The following DDX54 variants were observed in gnomAD, a reference collection of about 807,000 sequenced individuals.
DDX54 encodes ATP-dependent RNA helicase DDX54.
In DDX54, 67 loss-of-function variants were observed where a neutral mutation model predicts 105.5. The observed-to-expected ratio is 0.64, with a 90% confidence interval of 0.52 to 0.78. The LOEUF (loss-of-function observed/expected upper bound fraction) is 0.78. DDX54 is among the 30% of genes least tolerant of loss of function. The pLI is 0.00. For synonymous variants in DDX54, 514 were observed against 509.9 expected, an observed-to-expected ratio of 1.01 and a Z score of -0.11; for missense variants, 1,206 against 1,230.5, an observed-to-expected ratio of 0.98 and a Z score of 0.30.
rs901294380 is a variant in DDX54 at position 113,157,990 on chromosome 12, C to CT, written c.*886dup. ...GGTGGTTGGGGCATGAAAAAAAACT[C>CT]TTTGTCAGGTCTCAGAACAGGGTCC... On this transcript the variant is annotated 3_prime_UTR_variant, in exon 20 of 20. Transcript: ENST00000306014. 3 of 416,860 alleles carry CT rather than the reference C, an allele frequency of 7.2e-6. No individual in the cohort carries two copies. The highest frequency in any genetic ancestry group is 5.9e-5 in the African/African-American group (3 of 50,554). The allele number at this position is 416,860 out of a possible 1,614,324, so 25.8% of individuals were successfully genotyped here.
intron 19 of DDX54, 70 bp downstream of exon 19, chr12:113,161,200 A>T: frequency 2.3e-6 from 3 of 1,280,740 alleles, no homozygotes; most frequent in South Asian, 2.9e-5. Flanking sequence ...CCTGTGCCTC[A>T]GCGTTACCCT....
intron 17 of DDX54, among the ~76,000 whole-genome samples, chr12:113,162,368 G>A (rs1952218305): frequency 6.6e-6 from 1 of 152,182 alleles, no homozygotes; most frequent in Admixed American, 6.5e-5. Flanking sequence ...TGGGTCCTGA[G>A]CCCTGTCTAG....
Position 113,163,054 on chromosome 12 carries a change from G to T in DDX54, c.2082-9C>A. The T allele has an allele frequency of 6.2e-7, 1 of 1,608,646 alleles. No individual in the cohort carries two copies. On this transcript the variant is annotated splice_polypyrimidine_tract_variant and intron_variant, in intron 16 of 19. Coordinates refer to ENST00000306014, the MANE Select transcript of DDX54 (RefSeq NM_024072.4). This position sits in a 1 kb window ranked among gnomAD's most constrained non-coding sequence, Gnocchi z 5.9. ...CCCCGCTGATGCTCAGGCTGCAGAG[G>T]GAGAGTGGGAGACATAATTGGATTG...
In DDX54 at chr12:113,159,022, C is replaced by T. The variant is rs370060266; in HGVS notation, c.2501G>A (p.Arg834His). ...KTKQQILKQR[R>H]RAQKLHFLQR... is the part of the protein sequence containing the mutation. Reference sequence around the variant, plus strand: ...CAGGAAGTGCAGCTTCTGGGCCCGGCGCCGCTGCTTCAGGATCTGCTGCTT... The same window carrying T: ...CAGGAAGTGCAGCTTCTGGGCCCGGTGCCGCTGCTTCAGGATCTGCTGCTT... Residue 834 changes from arginine (R) to histidine (H), a missense_variant, in exon 20 of 20, where the codon CGC becomes CAC. Physicochemically the swap from Arg to His is conservative, Grantham distance 29 (BLOSUM62 0). Transcript: ENST00000306014. 5.2e-5 allele frequency: 84 copies of T among 1,611,482 alleles called. No homozygotes were observed. Among genetic ancestry groups the T allele is most frequent in the Middle Eastern group, 1.7e-4 (1 of 6,040 alleles).
chr12:113,166,352 C>T (rs1179984581), intron 12 of DDX54, among the ~76,000 whole-genome samples: 1 of 152,096 alleles, frequency 6.6e-6, no homozygotes, highest in Non-Finnish European at 1.5e-5. Context: ...GAAGAGCCAC[C>T]CTGGATCACA....
chr12:113,165,591 T>G, intron 14 of DDX54, 53 bp downstream of exon 14: 1 of 1,525,416 alleles, frequency 6.6e-7, no homozygotes, highest in Non-Finnish European at 8.8e-7. Flanking sequence ...CATCTGTCTC[T>G]GGGCTCCACA....
rs189846363 is a variant in DDX54, at chr12:113,169,618, C to T, written c.1414+152G>A. ...CCTGGGCAACAGAGCGAGGCTCTGT[C>T]TCAAAAAATAAACAAAACAAATAAA... On this transcript the variant is annotated intron_variant, in intron 12 of 19. Transcript: ENST00000306014. 2.7e-6 allele frequency: 3 copies of T among 1,097,916 alleles called. No homozygotes were observed. In the South Asian group the frequency reaches 5.7e-5, roughly 21 times the overall value. The allele number at this position is 1,097,916 out of a possible 1,614,324, so 68.0% of individuals were successfully genotyped here.
intron 10 of DDX54, among the ~76,000 whole-genome samples, chr12:113,174,179 CA>C (rs745618043): frequency 0.017 from 1,839 of 109,384 alleles, 11 homozygotes; most frequent in Middle Eastern, 0.034. Flanking sequence ...ATACCATTTC[CA>C]AAAAAAAAAA....
chr12:113,175,995 C>T (rs1455674439), intron 7 of DDX54, among the ~76,000 whole-genome samples: 1 of 150,926 alleles, frequency 6.6e-6, no homozygotes, highest in Non-Finnish European at 1.5e-5. Context: ...ACTTCCCCCA[C>T]ATCCCCCTCC....
intron 11 of DDX54, 130 bp downstream of exon 11, chr12:113,172,223 C>A: frequency 9.7e-7 from 1 of 1,028,864 alleles, no homozygotes; most frequent in South Asian, 1.6e-5. Flanking sequence ...AGCAATATAG[C>A]GAGGCTCTGT....
chr12:113,157,593 C>G lies in DDX54; in HGVS notation c.*1284G>C, dbSNP rs748939865. 1 of 1,547,058 alleles carries G rather than the reference C, an allele frequency of 6.5e-7. No homozygotes were observed. Among genetic ancestry groups the G allele is most frequent in the South Asian group, 1.2e-5 (1 of 83,974 alleles). The stretch of plus-strand genomic sequence containing the variant: ...GGCTGGGATGTGACTTCGTGCTGGG[C>G]CCCCCCAGGTGAAGCTGTTCATGCA... On this transcript the variant is annotated 3_prime_UTR_variant, in exon 20 of 20. Transcript: ENST00000306014.
At chr12:113,174,379 C>T (rs543285030) in intron 10 of DDX54, among the ~76,000 whole-genome samples, 4 of 152,006 alleles carry the variant, frequency 2.6e-5, no homozygotes, top group Non-Finnish European at 5.9e-5. Flanking sequence ...CCCAAGTACT[C>T]GGGAGGCTGA....
intron 2 of DDX54, among the ~76,000 whole-genome samples, chr12:113,180,445 C>A (rs1050390596): frequency 1.3e-5 from 2 of 152,180 alleles, no homozygotes; most frequent in African/African-American, 4.8e-5. Flanking sequence ...GTTGCCCAAG[C>A]TGGACTTGAA....
At chr12:113,179,829 G>GA in intron 3 of DDX54, 106 bp downstream of exon 3, 1 of 1,318,478 alleles carries the variant, frequency 7.6e-7, no homozygotes, top group Non-Finnish European at 1.1e-6. Flanking sequence ...GAGTAAAGGG[G>GA]GCAGGAGATG....
intron 1 of DDX54, 101 bp downstream of exon 1, chr12:113,185,177 C>G (rs1250722482): frequency 7.3e-7 from 1 of 1,378,394 alleles, no homozygotes; most frequent in East Asian, 2.9e-5. Flanking sequence ...CCTCCCCACA[C>G]TCTGCGGAGC....
Position 113,172,426 on chromosome 12 carries a change from C to T in DDX54, c.1206G>A (p.Leu402=). The stretch of plus-strand genomic sequence containing the variant: ...TGACATTGTCCAGCAGCGGGATGTC[C>T]AGGCCTCGGGCGGCCAGGTCAGTCA... ...LIVTDLAARG[L]DIPLLDNVIN... The change falls in exon 11 of 20, where the codon CTG becomes CTA. Residue 402 remains leucine (L), a synonymous_variant. Coordinates refer to ENST00000306014, the MANE Select transcript of DDX54 (RefSeq NM_024072.4). 6.2e-7 allele frequency: 1 copy of T among 1,614,276 alleles called. No homozygotes were observed. Among genetic ancestry groups the T allele is most frequent in the Middle Eastern group, 1.6e-4 (1 of 6,062 alleles).
intron 17 of DDX54, 68 bp from the exon 18 acceptor site, chr12:113,162,065 G>T: frequency 2.1e-6 from 3 of 1,450,466 alleles, no homozygotes; most frequent in Non-Finnish European, 2.9e-6. Context: ...GCCGCTTGGG[G>T]CCTGTCTCCT....
chr12:113,174,487 A>G (rs1288684796), intron 10 of DDX54, among the ~76,000 whole-genome samples, 153 bp downstream of exon 10: 1 of 152,186 alleles, frequency 6.6e-6, no homozygotes, highest in Non-Finnish European at 1.5e-5. Flanking sequence ...GCTCCGTCTC[A>G]AAAAAATAAA....
In DDX54 at chr12:113,175,172, G is replaced by A. The variant is rs774192334; in HGVS notation, c.753-15C>T. On this transcript the variant is annotated splice_polypyrimidine_tract_variant and intron_variant, in intron 7 of 19. Transcript: ENST00000306014. ...TTTCAAAAAGCCTGGAAGGGTAGAG[G>A]GCAGGACTGGGTCAGAGGGGGCCTT... 14 of 1,590,826 alleles carry A rather than the reference G, an allele frequency of 8.8e-6. No individual in the cohort carries two copies. The highest frequency in any genetic ancestry group is 8.5e-6 in the Non-Finnish European group (10 of 1,170,714).
Sources: allele counts gnomAD v4.1 joint callset (sites outside exome capture counted in the v4.1 genomes callset), GRCh38; gene constraint gnomAD v4.1.1; non-coding constraint Gnocchi (gnomAD v3.1); transcripts MANE v1.5; gene names NCBI Gene and HGNC (gene_info 2026-07-23, HGNC 2026-07-21).